TUBGCP3: variants seen among roughly 807,000 people sequenced by gnomAD.
The protein encoded by TUBGCP3 is tubulin gamma complex component 3.
Under a neutral mutation model 123.1 loss-of-function variants are expected in TUBGCP3, and 50 were observed. The ratio of observed to expected loss-of-function variants is 0.41; its 90% CI spans 0.32 to 0.51. The LOEUF (loss-of-function observed/expected upper bound fraction) is 0.51. TUBGCP3 is among the 20% of genes least tolerant of loss of function. TUBGCP3 has a pLI of 0.36. For missense variants in TUBGCP3, 882 were observed against 1,127.0 expected (o/e 0.78, Z 3.11); for synonymous variants, 405 against 413.9 (o/e 0.98, Z 0.26).
intron 11 of TUBGCP3, among the ~76,000 whole-genome samples, chr13:112,533,962 C>G (rs1406223689): frequency 2.0e-5 from 3 of 152,040 alleles, no homozygotes; most frequent in African/African-American, 7.2e-5. Flanking sequence ...TCCCTCACTC[C>G]CTTCCCACCC....
intron 13 of TUBGCP3, among the ~76,000 whole-genome samples, chr13:112,525,998 TG>T (rs1877030721): frequency 6.6e-6 from 1 of 152,172 alleles, no homozygotes; most frequent in Non-Finnish European, 1.5e-5. Flanking sequence ...ATAAATCCTA[TG>T]GTACAAAAAA....
chr13:112,539,890 T>G (rs1295414814), intron 11 of TUBGCP3, among the ~76,000 whole-genome samples: 20 of 82,286 alleles, frequency 2.4e-4, no homozygotes, highest in African/African-American at 1.1e-3. Context: ...CTGGGAGTGA[T>G]GACGTCAATG....
At chr13:112,544,320 C>T (rs775118285) in intron 11 of TUBGCP3, among the ~76,000 whole-genome samples, 74 of 151,898 alleles carry the variant, frequency 4.9e-4, no homozygotes, top group African/African-American at 1.6e-3. Context: ...GGCATGGTGG[C>T]GGGCACCTGT....
chr13:112,489,195 C>T (rs1879899938), intron 21 of TUBGCP3, among the ~76,000 whole-genome samples: 2 of 151,824 alleles, frequency 1.3e-5, no homozygotes, highest in African/African-American at 2.4e-5. Flanking sequence ...CAGGGGCCAC[C>T]CCCGGGTCCC....
intron 11 of TUBGCP3, among the ~76,000 whole-genome samples, chr13:112,544,185 G>T (rs1487191470): frequency 1.3e-5 from 2 of 151,926 alleles, no homozygotes; most frequent in Non-Finnish European, 2.9e-5. Context: ...CGGGCGCAGT[G>T]GCTCACGCCT....
intron 1 of TUBGCP3, among the ~76,000 whole-genome samples, chr13:112,571,050 C>T (rs1881352958): frequency 6.6e-6 from 1 of 152,204 alleles, no homozygotes; most frequent in Non-Finnish European, 1.5e-5. Flanking sequence ...GCAGTTCCTT[C>T]CTCCACTGAA....
intron 11 of TUBGCP3, among the ~76,000 whole-genome samples, chr13:112,542,841 A>C (rs1878636230): frequency 6.6e-6 from 1 of 152,182 alleles, no homozygotes; most frequent in Non-Finnish European, 1.5e-5. Context: ...GATTTAAACA[A>C]AAGGTACAGA....
At chr13:112,522,885 C>G (rs113680475) in intron 13 of TUBGCP3, among the ~76,000 whole-genome samples, 6 of 152,194 alleles carry the variant, frequency 3.9e-5, no homozygotes, top group African/African-American at 1.4e-4. Flanking sequence ...ACCAAAACAG[C>G]ACATGCAAAT....
intron 10 of TUBGCP3, 140 bp downstream of exon 10, chr13:112,547,480 T>C: frequency 2.3e-6 from 3 of 1,312,394 alleles, no homozygotes; most frequent in Non-Finnish European, 2.9e-6. Context: ...ACAAACGAGT[T>C]CTGAAACAAA....
rs114500904 is a variant in TUBGCP3, at chr13:112,566,109, T to G, written c.185-931A>C. Among the ~76,000 whole-genome samples, 971 of 152,358 alleles carry G rather than the reference T, an allele frequency of 6.4e-3. 10 individuals are homozygous for G. Among genetic ancestry groups the G allele is most frequent in the African/African-American group, 0.022 (911 of 41,582 alleles). ...ACACTTACAAATTATCTGAAAGCAGTTGCAGCGAATGAGAAGTTCATTCTA... is the reference window on the plus strand; with the variant it reads ...ACACTTACAAATTATCTGAAAGCAGGTGCAGCGAATGAGAAGTTCATTCTA... On this transcript the variant is annotated intron_variant, in intron 2 of 21. Coordinates refer to ENST00000261965, the MANE Select transcript of TUBGCP3 (RefSeq NM_006322.6).
rs778847744 is a variant in TUBGCP3 at position 112,508,923 on chromosome 13, C to G, written c.2087-4209G>C. Among the ~76,000 whole-genome samples, 2 of 152,142 alleles carry G rather than the reference C, an allele frequency of 1.3e-5. No homozygotes were observed. Among genetic ancestry groups the G allele is most frequent in the Non-Finnish European group, 2.9e-5 (2 of 68,032 alleles). On this transcript the variant is annotated intron_variant, in intron 17 of 21. Coordinates refer to ENST00000261965, the MANE Select transcript of TUBGCP3 (RefSeq NM_006322.6). This position sits in a 1 kb window ranked among gnomAD's most constrained non-coding sequence, Gnocchi z 4.2. ...CCCTCCAGCCCCGCGGCTGCTGTAA[C>G]CATAAAGGCCAACGTCACCGCACAC...
At chr13:112,540,169 A>C (rs1186281972) in intron 11 of TUBGCP3, among the ~76,000 whole-genome samples, 1 of 149,518 alleles carries the variant, frequency 6.7e-6, no homozygotes, top group Non-Finnish European at 1.5e-5. Context: ...ATGAGCATTC[A>C]GGTGGTCTTG....
intron 3 of TUBGCP3, among the ~76,000 whole-genome samples, chr13:112,562,605 C>T (rs1880603730): frequency 2.6e-5 from 4 of 152,116 alleles, no homozygotes; most frequent in Non-Finnish European, 5.9e-5. Flanking sequence ...ATCTGCCAGG[C>T]CTGGAGAGCA....
At chr13:112,588,890 G>A (rs750029000), upstream of TUBGCP3, among the ~76,000 whole-genome samples, 48 of 152,218 alleles carry the variant, frequency 3.2e-4, no homozygotes, top group Non-Finnish European at 1.0e-4. Flanking sequence ...GCTGAGGCCA[G>A]CCACACACGT....
rs1170002311 is a variant in TUBGCP3, at chr13:112,504,698, C to G, written c.2103G>C (p.Leu701=). The part of the protein sequence containing the change: ...LRNMPEFSGV[L]HQCHILASEM... ...CAGAGGCCAAAATGTGACACTGGTG[C>G]AGCACCCCGGAGAACTCTGCAAGGG... Residue 701 remains leucine, a synonymous_variant, in exon 18 of 22, where the codon CTG becomes CTC. Transcript: ENST00000261965. 1 of 1,613,688 alleles carries G rather than the reference C, an allele frequency of 6.2e-7. No individual in the cohort carries two copies. Among genetic ancestry groups the G allele is most frequent in the Admixed American group, 1.7e-5 (1 of 59,994 alleles).
intron 20 of TUBGCP3, 186 bp from the exon 21 acceptor site, chr13:112,489,883 ATG>A: frequency 1.7e-6 from 1 of 581,030 alleles, no homozygotes; most frequent in Non-Finnish European, 3.1e-6. Flanking sequence ...CCAGTTAACA[ATG>A]TGTGTTGAAA....
intron 8 of TUBGCP3, among the ~76,000 whole-genome samples, chr13:112,551,026 G>C (rs1475398613): frequency 1.3e-5 from 2 of 152,162 alleles, no homozygotes; most frequent in Non-Finnish European, 2.9e-5. Context: ...GTGAACATGG[G>C]AGGCGGAGCT....
chr13:112,543,638 A>G (rs991554669), intron 11 of TUBGCP3, among the ~76,000 whole-genome samples: 4 of 152,216 alleles, frequency 2.6e-5, no homozygotes, highest in African/African-American at 9.6e-5. Context: ...AAACAGATTC[A>G]AGTATATAGA....
the TUBGCP3 span, among the ~76,000 whole-genome samples, chr13:112,602,254 G>A: frequency 6.6e-6 from 1 of 152,322 alleles, no homozygotes; most frequent in African/African-American, 2.4e-5. Context: ...GGAATTAGAG[G>A]AAAGCATCAA....
Sources: allele counts gnomAD v4.1 joint callset (sites outside exome capture counted in the v4.1 genomes callset), GRCh38; gene constraint gnomAD v4.1.1; non-coding constraint Gnocchi (gnomAD v3.1); transcripts MANE v1.5; gene names NCBI Gene and HGNC (gene_info 2026-07-23, HGNC 2026-07-21).